The following BTBD1 variants were observed in gnomAD, a reference collection of about 807,000 sequenced individuals.
The protein encoded by BTBD1 is BTB/POZ domain-containing protein 1.
Under a neutral mutation model 48.0 loss-of-function variants are expected in BTBD1, and 34 were observed. The ratio of observed to expected loss-of-function variants is 0.71; its 90% CI spans 0.54 to 0.94. The LOEUF (loss-of-function observed/expected upper bound fraction) is 0.94. Among genes scored for constraint, BTBD1 ranks in the 40% least tolerant of loss-of-function variants. The probability of loss-of-function intolerance (pLI) is 0.00; values close to 1 mark genes in which losing one functional copy is unlikely to be tolerated. For missense variants in BTBD1, 543 were observed against 625.6 expected (o/e 0.87, Z 1.41); for synonymous variants, 261 against 242.1 (o/e 1.08, Z -0.72).
chr15:83,054,878 A>T (rs2033055293), intron 2 of BTBD1, among the ~76,000 whole-genome samples: 1 of 151,982 alleles, frequency 6.6e-6, no homozygotes, highest in Non-Finnish European at 1.5e-5. Flanking sequence ...ACATTTTCTA[A>T]ATGATAGAAT....
intron 3 of BTBD1, among the ~76,000 whole-genome samples, chr15:83,042,404 CAT>C (rs2032785582): frequency 1.9e-5 from 1 of 53,498 alleles, no homozygotes; most frequent in East Asian, 2.5e-4. Flanking sequence ...GATATAGAGT[CAT>C]AGAGTCTCAT....
chr15:83,056,584 A>T, intron 1 of BTBD1, 39 bp from the exon 2 acceptor site: 1 of 1,546,216 alleles, frequency 6.5e-7, no homozygotes, highest in Non-Finnish European at 8.9e-7. Flanking sequence ...ATGGTCAGTA[A>T]TGTTTTAGAT....
chr15:83,040,639 GCGGTGAGCTGAGATCGCACGACCGCA>G (rs1332365575), intron 4 of BTBD1, among the ~76,000 whole-genome samples: 7 of 150,486 alleles, frequency 4.7e-5, no homozygotes, highest in African/African-American at 1.7e-4. Context: ...GATGGACGTT[GCGGTGAGCTGAGATCGCACGACCGCA>G]CTCCAGCCTG....
At chr15:83,054,158 G>C (rs2033041627) in intron 2 of BTBD1, among the ~76,000 whole-genome samples, 1 of 152,166 alleles carries the variant, frequency 6.6e-6, no homozygotes, top group Non-Finnish European at 1.5e-5. Flanking sequence ...GGCCAACATG[G>C]GGAAACCCCG....
chr15:83,030,032 G>A (rs1424274517), intron 5 of BTBD1, 104 bp downstream of exon 5: 1 of 1,047,032 alleles, frequency 9.6e-7, no homozygotes, highest in Non-Finnish European at 1.5e-6. Context: ...ATTAAATGAA[G>A]TATAAAATGA....
intron 1 of BTBD1, among the ~76,000 whole-genome samples, chr15:83,066,215 C>T (rs568885618): frequency 6.6e-6 from 1 of 152,088 alleles, no homozygotes; most frequent in Non-Finnish European, 1.5e-5. Context: ...CGGAGCATCA[C>T]CTGAGCCCGG....
chr15:83,045,144 A>G (rs1426955444), intron 3 of BTBD1, among the ~76,000 whole-genome samples: 3 of 152,246 alleles, frequency 2.0e-5, no homozygotes, highest in Admixed American at 2.0e-4. Flanking sequence ...CAATTAAAGC[A>G]TTAAATATGA....
intron 5 of BTBD1, among the ~76,000 whole-genome samples, chr15:83,025,952 G>C (rs776049738): frequency 4.6e-5 from 7 of 152,118 alleles, no homozygotes; most frequent in South Asian, 2.1e-4. Flanking sequence ...TGTATTCTTA[G>C]TAGAGACGGG....
At chr15:83,032,490 A>G (rs1346922118) in intron 4 of BTBD1, among the ~76,000 whole-genome samples, 1 of 152,170 alleles carries the variant, frequency 6.6e-6, no homozygotes, top group African/African-American at 2.4e-5. Flanking sequence ...ATGCCCATCA[A>G]CCAACAACTG....
chr15:83,040,208 A>AAGCACTGAGGACTGT (rs1238757314), intron 4 of BTBD1, among the ~76,000 whole-genome samples: 1 of 152,160 alleles, frequency 6.6e-6, no homozygotes, highest in Non-Finnish European at 1.5e-5. Context: ...TGGAAACAAT[A>AAGCACTGAGGACTGT]AGCACTGAGG....
chr15:83,020,642 C>G (rs745895287), intron 6 of BTBD1, 33 bp downstream of exon 6: 1 of 1,356,508 alleles, frequency 7.4e-7, no homozygotes, highest in African/African-American at 1.5e-5. Context: ...TGTGTTATTT[C>G]AAAATGATAT....
At chr15:83,037,366 A>G (rs2032651020) in intron 4 of BTBD1, among the ~76,000 whole-genome samples, 1 of 152,212 alleles carries the variant, frequency 6.6e-6, no homozygotes, top group Non-Finnish European at 1.5e-5. Flanking sequence ...TTCATCTTTA[A>G]AACTAAAATA....
In BTBD1 at chr15:83,034,090, CAAAAAAAA is replaced by C. The variant is rs748026027; in HGVS notation, c.863-3770_863-3763del. Among the ~76,000 whole-genome samples the C allele has an allele frequency of 6.0e-5, 4 of 67,180 alleles. No homozygotes were observed. The Admixed American group carries it at 6.9e-4, about 12-fold the overall frequency. 44.1% of individuals were successfully genotyped at this position (67,180 alleles called of 152,430 possible). A position where few individuals can be genotyped will look rare whatever the true frequency, so the allele number is the denominator to read the frequency against. On this transcript the variant is annotated intron_variant, in intron 4 of 7. Coordinates refer to ENST00000261721, the MANE Select transcript of BTBD1 (RefSeq NM_025238.4). ...GTGACAGAGGAGACACTGTCTACAC[CAAAAAAAA>C]AAAAAAAAAGAAAAAGAAAAAGAAA...
intron 1 of BTBD1, among the ~76,000 whole-genome samples, chr15:83,057,868 T>C (rs2033114387): frequency 6.6e-6 from 1 of 152,190 alleles, no homozygotes. Context: ...AAAACAGAAA[T>C]GTTGGCTGGG....
chr15:83,033,691 C>G (rs910450298), intron 4 of BTBD1, among the ~76,000 whole-genome samples: 1 of 152,120 alleles, frequency 6.6e-6, no homozygotes, highest in Non-Finnish European at 1.5e-5. Flanking sequence ...GTGATCCCCA[C>G]CTCAGCCCCC....
chr15:83,021,421 T>G (rs1473820461), intron 5 of BTBD1, among the ~76,000 whole-genome samples: 1 of 152,208 alleles, frequency 6.6e-6, no homozygotes, highest in Non-Finnish European at 1.5e-5. Context: ...TGACCCATCT[T>G]ACTCCATTTT....
At chr15:83,042,888 C>T (rs2032796489) in intron 3 of BTBD1, among the ~76,000 whole-genome samples, 2 of 152,020 alleles carry the variant, frequency 1.3e-5, no homozygotes, top group Non-Finnish European at 2.9e-5. Flanking sequence ...GCCAGTAGTC[C>T]CAGCAATTTA....
At position 83,066,848 on chromosome 15, in the gene BTBD1, C is replaced by T. The variant is rs1196414943; in HGVS notation, c.304G>A (p.Ala102Thr). ...CCGTTGAACATGGCGTCAAAGACGG[C>T]GCTGCCGGCCGCCAGCACGAAGCGG... ...AHRFVLAAGS[A>T]VFDAMFNGGM... Residue 102 changes from alanine (A) to threonine (T), a missense_variant, in exon 1 of 8, where the codon GCC becomes ACC. This residue lies in a region of BTBD1 where 173 missense variants were observed against 163.9 expected (regional missense o/e 1.06). Transcript: ENST00000261721. 6 of 1,448,066 alleles carry T rather than the reference C, an allele frequency of 4.1e-6. No homozygotes were observed. Among genetic ancestry groups the T allele is most frequent in the Admixed American group, 3.1e-5 (1 of 31,908 alleles). The allele number at this position is 1,448,066 out of a possible 1,614,324, so 89.7% of individuals were successfully genotyped here.
At chr15:83,019,798 T>C (rs1334204637) in intron 6 of BTBD1, among the ~76,000 whole-genome samples, 2 of 151,396 alleles carry the variant, frequency 1.3e-5, no homozygotes, top group African/African-American at 4.9e-5. Flanking sequence ...GGTTTCACCA[T>C]GTTGGCCAGG....
Sources: allele counts gnomAD v4.1 joint callset (sites outside exome capture counted in the v4.1 genomes callset), GRCh38; gene constraint gnomAD v4.1.1; regional missense constraint gnomAD v4.1.1; transcripts MANE v1.5; gene names NCBI Gene and HGNC (gene_info 2026-07-23, HGNC 2026-07-21).